MTSS2: variants seen among roughly 807,000 people sequenced by gnomAD.
MTSS2 encodes the protein MTSS I-BAR domain containing 2.
MTSS2 carries 27 observed loss-of-function variants against 67.1 expected under a neutral mutation model. The observed-to-expected ratio is 0.40, with a 90% CI of 0.30 to 0.55. MTSS2 has a LOEUF of 0.55. Ranked by LOEUF, MTSS2 falls within the 20% of genes least tolerant of loss-of-function variation. MTSS2 has a pLI of 0.43. For synonymous variants in MTSS2, 624 were observed against 468.6 expected (o/e 1.33, Z -4.28); for missense variants, 1,171 against 1,067.8 (o/e 1.10, Z -1.35).
chr16:70,682,357 G>T (rs920331874), intron 1 of MTSS2, among the ~76,000 whole-genome samples: 9 of 152,154 alleles, frequency 5.9e-5, no homozygotes, highest in African/African-American at 2.2e-4. Flanking sequence ...CCCCTTGGGG[G>T]TCTTCTAAAA....
rs761143864 is a variant in MTSS2 at position 70,663,955 on chromosome 16, G to A, written c.1966C>T (p.Pro656Ser). 5 of 1,563,830 alleles carry A rather than the reference G, an allele frequency of 3.2e-6. No homozygotes were observed. The South Asian group carries it at 4.7e-5, about 15-fold the overall frequency. The change falls in exon 15 of 15, where the codon CCC becomes TCC. Residue 656 changes from proline to serine, a missense_variant. Around this residue, in one of 2 missense-constraint regions of MTSS2, gnomAD observed 924 missense variants for 756.0 expected, o/e 1.22. Transcript: ENST00000338779. ...GSPSPEAAGY[P>S]GAGAEDEQQQ... ...TGCTCGTCCTCGGCCCCTGCCCCGG[G>A]GTACCCGGCTGCCTCTGGGGATGGG...
Position 70,683,436 on chromosome 16 carries a change from G to C in MTSS2, c.69+2287C>G, listed in dbSNP as rs77123076. ...GCCCTCTGCAGGGGCCCCTAGCAGA[G>C]GCCTGGCCAGGCCTATGTGTCCAGG... On this transcript the variant is annotated intron_variant, in intron 1 of 14. Transcript: ENST00000338779. Among the ~76,000 whole-genome samples, 1,086 of 152,340 alleles carry C rather than the reference G, an allele frequency of 7.1e-3. 13 individuals carry two copies. The highest frequency in any genetic ancestry group is 0.024 in the African/African-American group (994 of 41,576).
chr16:70,670,019 C>G (rs1470145713), intron 11 of MTSS2, among the ~76,000 whole-genome samples: 1 of 152,104 alleles, frequency 6.6e-6, no homozygotes, highest in Non-Finnish European at 1.5e-5. Context: ...GCCTGTAATC[C>G]CAGTACTTTG....
intron 11 of MTSS2, among the ~76,000 whole-genome samples, chr16:70,666,090 C>A (rs142753133): frequency 3.1e-4 from 47 of 152,196 alleles, no homozygotes; most frequent in African/African-American, 1.1e-3. Flanking sequence ...CACCAGGCAG[C>A]GAGTGCAGTT....
At chr16:70,666,946 G>A (rs911199248) in intron 11 of MTSS2, among the ~76,000 whole-genome samples, 2 of 152,112 alleles carry the variant, frequency 1.3e-5, no homozygotes, top group Non-Finnish European at 2.9e-5. Context: ...GTGCAATAAA[G>A]CAAGGAAAAG....
chr16:70,670,791 C>A (rs2052905066), intron 11 of MTSS2, among the ~76,000 whole-genome samples: 1 of 151,702 alleles, frequency 6.6e-6, no homozygotes, highest in South Asian at 2.1e-4. Flanking sequence ...TAGTGAGACC[C>A]CCATCTCTAT....
In MTSS2 at chr16:70,661,528, GAAATT is replaced by G. The variant is rs1567474303; in HGVS notation, c.*2144_*2148del. On this transcript the variant is annotated 3_prime_UTR_variant, in exon 15 of 15. Transcript: ENST00000338779. ...AAGAATATTTCTCCGTACAAAATGA[GAAATT>G]AAACGAACGTAAAGTCCCCCAAACC... is the stretch of plus-strand genomic sequence containing the variant. 2.9e-6 allele frequency: 1 copy of G among 346,474 alleles called. No individual in the cohort carries two copies. The highest frequency in any genetic ancestry group is 2.2e-5 in the African/African-American group (1 of 46,086). 21.5% of individuals were successfully genotyped at this position (346,474 alleles called of 1,614,324 possible). A position where few individuals can be genotyped will look rare whatever the true frequency, so the allele number is the denominator to read the frequency against.
intron 11 of MTSS2, among the ~76,000 whole-genome samples, chr16:70,673,076 G>A (rs1207512018): frequency 6.6e-6 from 1 of 152,038 alleles, no homozygotes; most frequent in Non-Finnish European, 1.5e-5. Context: ...TGGGAGGATC[G>A]CTTGAGCCTG....
chr16:70,680,905 G>GGGC (rs780848994), intron 2 of MTSS2, 38 bp from the exon 3 acceptor site: 4 of 1,540,768 alleles, frequency 2.6e-6, no homozygotes, highest in Non-Finnish European at 3.5e-6. Context: ...GTCGGTGGTT[G>GGGC]GGCGGGGGGG....
In MTSS2 at chr16:70,674,315, G is replaced by A. The variant is rs201542686; in HGVS notation, c.1044C>T (p.Ile348=). Residue 348 remains isoleucine, a synonymous_variant, in exon 11 of 15, where the codon ATC becomes ATT. Coordinates refer to ENST00000338779, the MANE Select transcript of MTSS2 (RefSeq NM_138383.3). ...CCTAACGCCCCCTCACCTGGCTGGT[G>A]ATGTCTGAAGGCATAGGCGAGGGGG... The part of the protein sequence containing the change: ...SKPPSPMPSD[I]TSQKSSSSAS... 2.5e-6 allele frequency: 4 copies of A among 1,613,496 alleles called. No homozygotes were observed. The highest frequency in any genetic ancestry group is 8.5e-7 in the Non-Finnish European group (1 of 1,179,848).
intron 11 of MTSS2, among the ~76,000 whole-genome samples, chr16:70,671,062 C>G (rs990799275): frequency 6.7e-6 from 1 of 150,024 alleles, no homozygotes; most frequent in South Asian, 2.1e-4. Context: ...CTGCTGGCTT[C>G]AGGAGTGGTG....
intron 10 of MTSS2, 35 bp downstream of exon 10, chr16:70,676,845 GC>G (rs780724435): frequency 1.3e-6 from 2 of 1,576,756 alleles, no homozygotes; most frequent in East Asian, 4.5e-5. Flanking sequence ...TTGGGATACC[GC>G]CCCCCACACC....
chr16:70,679,281 G>A (rs375248198), intron 7 of MTSS2, 34 bp downstream of exon 7: 9 of 1,613,152 alleles, frequency 5.6e-6, no homozygotes, highest in Admixed American at 1.7e-5. Flanking sequence ...ACAAGGACGG[G>A]AGGAGCAGCT....
At chr16:70,671,794 G>C (rs1386747109) in intron 11 of MTSS2, among the ~76,000 whole-genome samples, 1 of 152,164 alleles carries the variant, frequency 6.6e-6, no homozygotes, top group Non-Finnish European at 1.5e-5. Flanking sequence ...AACATCAGCA[G>C]TCACACGACG....
rs2052472106 is a variant in MTSS2 at position 70,661,583 on chromosome 16, G to A, written c.*2094C>T. 8.5e-6 allele frequency: 3 copies of A among 351,314 alleles called. No homozygotes were observed. Among genetic ancestry groups the A allele is most frequent in the African/African-American group, 6.5e-5 (3 of 46,450 alleles). 21.8% of individuals were successfully genotyped at this position (351,314 alleles called of 1,614,324 possible). Reference sequence around the variant, plus strand: ...CAAAGTTTGTGATGTGGGATGGTTGGCTCGGATCCCGAGGTGGGTGGGCCT... The same window carrying A: ...CAAAGTTTGTGATGTGGGATGGTTGACTCGGATCCCGAGGTGGGTGGGCCT... On this transcript the variant is annotated 3_prime_UTR_variant, in exon 15 of 15. Coordinates refer to ENST00000338779, the MANE Select transcript of MTSS2 (RefSeq NM_138383.3).
chr16:70,663,705 T>C lies in MTSS2; in HGVS notation c.2216A>G (p.Asn739Ser), dbSNP rs758795594. Reference protein sequence around the residue: ...RGVRLRRTVTNDRSAPRIL With the variant: ...RGVRLRRTVTSDRSAPRIL ...TAAGATGCGGGGCGCCGACCTGTCG[T>C]TGGTGACGGTCCTGCGGAGCCGGAC... The change falls in exon 15 of 15, where the codon AAC (asparagine) becomes AGC (serine). Residue 739 changes from asparagine (N) to serine (S), a missense_variant. Physicochemically the swap from Asn to Ser is conservative, Grantham distance 46 (BLOSUM62 1). Around this residue, in one of 2 missense-constraint regions of MTSS2, gnomAD observed 924 missense variants for 756.0 expected, o/e 1.22. Transcript: ENST00000338779. 1.1e-5 allele frequency: 17 copies of C among 1,589,334 alleles called. No individual in the cohort carries two copies. In the South Asian group the frequency reaches 1.7e-4, roughly 16 times the overall value.
At chr16:70,684,783 G>C (rs1403756518) in intron 1 of MTSS2, among the ~76,000 whole-genome samples, 1 of 152,232 alleles carries the variant, frequency 6.6e-6, no homozygotes, top group East Asian at 1.9e-4. Context: ...CCTATCACTG[G>C]AGCTGGGCCC....
intron 11 of MTSS2, among the ~76,000 whole-genome samples, chr16:70,671,722 A>T (rs1053941122): frequency 6.6e-6 from 1 of 152,222 alleles, no homozygotes; most frequent in Admixed American, 6.5e-5. Flanking sequence ...TTAAAAAGGG[A>T]GAAATAATGA....
At position 70,678,336 on chromosome 16, in the gene MTSS2, C is replaced by T. The variant is rs1231982402; in HGVS notation, c.540G>A (p.Glu180=). Residue 180 remains glutamate, a synonymous_variant, in exon 8 of 15, where the codon GAG becomes GAA. Coordinates refer to ENST00000338779, the MANE Select transcript of MTSS2 (RefSeq NM_138383.3). ...DVNDMYLLLE[E]TEKQAVRRAL... ...CCCGGCGCACGGCCTGCTTCTCCGT[C>T]TCCTCCAGCAGCAGGTACATGTCGT... 6.2e-7 allele frequency: 1 copy of T among 1,612,972 alleles called. No homozygotes were observed.
Sources: allele counts gnomAD v4.1 joint callset (sites outside exome capture counted in the v4.1 genomes callset), GRCh38; gene constraint gnomAD v4.1.1; regional missense constraint gnomAD v4.1.1; transcripts MANE v1.5; gene names NCBI Gene and HGNC (gene_info 2026-07-23, HGNC 2026-07-21).